AGAP1: variants seen among roughly 807,000 people sequenced by gnomAD.
AGAP1 encodes ArfGAP with GTPase domain, ankyrin repeat and PH domain 1.
AGAP1 carries 29 observed loss-of-function variants against 105.3 expected under a neutral mutation model. The observed-to-expected ratio is 0.28, with a 90% CI of 0.21 to 0.38. The LOEUF (loss-of-function observed/expected upper bound fraction) is 0.38. Among genes scored for constraint, AGAP1 ranks in the 10% least tolerant of loss-of-function variants. The pLI, the probability that AGAP1 is intolerant of heterozygous loss-of-function variation, is 1.00. For synonymous variants in AGAP1, 509 were observed against 485.9 expected (o/e 1.05, Z -0.63); for missense variants, 998 against 1,165.1 (o/e 0.86, Z 2.09).
chr2:235,635,573 C>T lies in AGAP1; in HGVS notation c.164-73606C>T, dbSNP rs746181749. On this transcript the variant is annotated intron_variant, in intron 1 of 17. Coordinates refer to ENST00000304032, the MANE Select transcript of AGAP1 (RefSeq NM_001037131.3). The surrounding 1 kb of genome is among the most constrained non-coding windows in gnomAD (Gnocchi z 5.3). Reference sequence around the variant, plus strand: ...AGGAACAAGAAGACAGAAGAAAGAACGCACTTTGGTTTTCTTTTGGAAACC... The same window carrying T: ...AGGAACAAGAAGACAGAAGAAAGAATGCACTTTGGTTTTCTTTTGGAAACC... Among the ~76,000 whole-genome samples, 9 of 152,006 alleles carry T rather than the reference C, an allele frequency of 5.9e-5. No individual in the cohort carries two copies. The highest frequency in any genetic ancestry group is 2.0e-4 in the Admixed American group (3 of 15,226).
chr2:235,980,667 A>T (rs2055053941), intron 13 of AGAP1, among the ~76,000 whole-genome samples: 1 of 152,194 alleles, frequency 6.6e-6, no homozygotes, highest in African/African-American at 2.4e-5. Context: ...AAAAGCATTA[A>T]TTATCTAAAG....
At chr2:235,854,835 GA>G (rs1293469031) in intron 9 of AGAP1, among the ~76,000 whole-genome samples, 6 of 152,310 alleles carry the variant, frequency 3.9e-5, no homozygotes, top group African/African-American at 1.4e-4. Context: ...GAGCAAATGA[GA>G]AACAATTCTT....
At chr2:235,548,030 G>C (rs1196502238) in intron 1 of AGAP1, among the ~76,000 whole-genome samples, 2 of 152,254 alleles carry the variant, frequency 1.3e-5, no homozygotes, top group African/African-American at 4.8e-5. Context: ...TGTTAGCCAA[G>C]CTGCGGACAG....
intron 9 of AGAP1, among the ~76,000 whole-genome samples, chr2:235,844,809 T>G (rs1381172197): frequency 6.6e-6 from 1 of 152,150 alleles, no homozygotes; most frequent in Non-Finnish European, 1.5e-5. Flanking sequence ...TGTCGCCCCC[T>G]CAGAAGTCTT....
chr2:236,113,223 C>T lies in AGAP1; in HGVS notation c.2115-6969C>T, dbSNP rs916969807. On this transcript the variant is annotated intron_variant, in intron 16 of 17. Coordinates refer to ENST00000304032, the MANE Select transcript of AGAP1 (RefSeq NM_001037131.3). This position sits in a 1 kb window ranked among gnomAD's most constrained non-coding sequence, Gnocchi z 4.3. ...TGGTGCAATCTCAACTCACTGCAAC[C>T]TCCGCCTCCCGGGTTCAAGCAATTC... 1.3e-5 allele frequency among the ~76,000 whole-genome samples: 2 copies of T among 152,202 alleles called. No individual in the cohort carries two copies. The highest frequency in any genetic ancestry group is 4.8e-5 in the African/African-American group (2 of 41,452).
At chr2:235,570,779 G>A (rs1265699060) in intron 1 of AGAP1, among the ~76,000 whole-genome samples, 1 of 152,238 alleles carries the variant, frequency 6.6e-6, no homozygotes, top group African/African-American at 2.4e-5. Flanking sequence ...GCAAACATCT[G>A]AAAACATTTT....
intron 1 of AGAP1, among the ~76,000 whole-genome samples, chr2:235,537,619 T>C (rs1193780405): frequency 6.6e-6 from 1 of 152,208 alleles, no homozygotes; most frequent in Non-Finnish European, 1.5e-5. Context: ...GAAAATGATC[T>C]GTTTGTTTCT....
intron 1 of AGAP1, among the ~76,000 whole-genome samples, chr2:235,695,598 C>G (rs557362437): frequency 1.8e-4 from 27 of 152,248 alleles, no homozygotes; most frequent in African/African-American, 6.5e-4. Flanking sequence ...AGCTTTTGTT[C>G]TGGACACAGT....
intron 9 of AGAP1, among the ~76,000 whole-genome samples, chr2:235,870,568 G>A (rs1042640442): frequency 2.0e-5 from 3 of 152,112 alleles, no homozygotes; most frequent in African/African-American, 7.2e-5. Context: ...GGAGGTTGTG[G>A]TGAGCTGAGG....
intron 6 of AGAP1, among the ~76,000 whole-genome samples, chr2:235,764,264 G>T (rs936843266): frequency 1.3e-5 from 2 of 152,236 alleles, no homozygotes; most frequent in Non-Finnish European, 2.9e-5. Flanking sequence ...TGTCGTTGGT[G>T]CTCTGAAGGG....
chr2:235,735,597 A>AAC (rs1952201724), intron 3 of AGAP1, among the ~76,000 whole-genome samples: 1 of 152,142 alleles, frequency 6.6e-6, no homozygotes, highest in Admixed American at 6.5e-5. Context: ...GAAAGAGTGT[A>AAC]GCTGTATCCT....
chr2:235,495,620 C>T (rs1433867637), intron 1 of AGAP1, among the ~76,000 whole-genome samples: 1 of 152,252 alleles, frequency 6.6e-6, no homozygotes, highest in Non-Finnish European at 1.5e-5. Flanking sequence ...CTTCCCTCTG[C>T]ATGTCAGGCA....
Position 235,729,867 on chromosome 2 carries a change from G to A in AGAP1, c.311-11096G>A, listed in dbSNP as rs1423704866. On this transcript the variant is annotated intron_variant, in intron 3 of 17. Transcript: ENST00000304032. This position sits in a 1 kb window ranked among gnomAD's most constrained non-coding sequence, Gnocchi z 5.0. Reference sequence around the variant, plus strand: ...ACAGAGGTTTTTAGTTTCTTTAAAGGGTTGTAAACATAAAAACAAAGAAGG... The same window carrying A: ...ACAGAGGTTTTTAGTTTCTTTAAAGAGTTGTAAACATAAAAACAAAGAAGG... Among the ~76,000 whole-genome samples, 2 of 152,044 alleles carry A rather than the reference G, an allele frequency of 1.3e-5. No homozygotes were observed. Among genetic ancestry groups the A allele is most frequent in the Non-Finnish European group, 2.9e-5 (2 of 68,026 alleles).
rs1037801084 is a variant in AGAP1, at chr2:235,994,128, C to G, written c.1645+25505C>G. Among the ~76,000 whole-genome samples, 1 of 152,182 alleles carries G rather than the reference C, an allele frequency of 6.6e-6. No individual in the cohort carries two copies. The highest frequency in any genetic ancestry group is 1.5e-5 in the Non-Finnish European group (1 of 68,040). ...TAGAATATCATGCCCAGGTTAGGCA[C>G]TCTTTCTGTATTCCCCAAAGCTTCA... On this transcript the variant is annotated intron_variant, in intron 13 of 17. Transcript: ENST00000304032. The surrounding 1 kb of genome is among the most constrained non-coding windows in gnomAD (Gnocchi z 4.4).
In AGAP1 at chr2:235,681,843, CTTTTTTTTTTTTTTT is replaced by C. The variant is rs56934868; in HGVS notation, c.164-27325_164-27311del. The stretch of plus-strand genomic sequence containing the variant: ...CCTATAAAGGGTCTAATTTAGTTTG[CTTTTTTTTTTTTTTT>C]TTTTTTTTTTGATACAGAGTCTCAC... On this transcript the variant is annotated intron_variant, in intron 1 of 17. Coordinates refer to ENST00000304032, the MANE Select transcript of AGAP1 (RefSeq NM_001037131.3). Among the ~76,000 whole-genome samples the C allele has an allele frequency of 4.8e-3, 374 of 78,360 alleles. 6 individuals carry two copies. Among genetic ancestry groups the C allele is most frequent in the African/African-American group, 0.016 (349 of 21,784 alleles). The allele number at this position is 78,360 out of a possible 152,430, so 51.4% of individuals were successfully genotyped here.
intron 1 of AGAP1, among the ~76,000 whole-genome samples, chr2:235,626,505 A>T (rs955589809): frequency 6.6e-6 from 1 of 152,124 alleles, no homozygotes; most frequent in African/African-American, 2.4e-5. Flanking sequence ...TTAAAAGTAC[A>T]TATGTCTATA....
intron 16 of AGAP1, among the ~76,000 whole-genome samples, chr2:236,069,903 GA>G (rs2058453108): frequency 6.6e-6 from 1 of 152,238 alleles, no homozygotes; most frequent in South Asian, 2.1e-4. Context: ...AATTTGGTTA[GA>G]TTTTTAATAA....
intron 6 of AGAP1, among the ~76,000 whole-genome samples, chr2:235,764,187 T>C (rs1038059681): frequency 3.9e-5 from 6 of 152,200 alleles, no homozygotes; most frequent in African/African-American, 1.4e-4. Context: ...TACAGACAAA[T>C]ATCTGAAGTA....
intron 16 of AGAP1, among the ~76,000 whole-genome samples, chr2:236,118,124 A>G (rs572862113): frequency 6.6e-6 from 1 of 152,220 alleles, no homozygotes; most frequent in Non-Finnish European, 1.5e-5. Context: ...ACTAGGTGCA[A>G]TGTAAACACG....
Sources: allele counts gnomAD v4.1 joint callset (sites outside exome capture counted in the v4.1 genomes callset), GRCh38; gene constraint gnomAD v4.1.1; non-coding constraint Gnocchi (gnomAD v3.1); transcripts MANE v1.5; gene names NCBI Gene and HGNC (gene_info 2026-07-23, HGNC 2026-07-21).